CFAP43: variants seen among roughly 807,000 people sequenced by gnomAD.
CFAP43 encodes cilia and flagella associated protein 43.
CFAP43 carries 155 observed loss-of-function variants against 218.9 expected under a neutral mutation model. The ratio of observed to expected loss-of-function variants is 0.71; its 90% CI spans 0.62 to 0.81. The LOEUF (loss-of-function observed/expected upper bound fraction) is 0.81, where lower values mean the gene tolerates loss of function less well. Ranked by LOEUF, CFAP43 falls within the 30% of genes least tolerant of loss-of-function variation. The probability of loss-of-function intolerance (pLI) is 0.00; values close to 1 mark genes in which losing one functional copy is unlikely to be tolerated. For missense variants in CFAP43, 1,778 were observed against 1,954.3 expected (o/e 0.91, Z 1.70); for synonymous variants, 645 against 681.3 (o/e 0.95, Z 0.83).
At chr10:104,158,856 C>G (rs1012417584) in intron 27 of CFAP43, among the ~76,000 whole-genome samples, 1 of 151,700 alleles carries the variant, frequency 6.6e-6, no homozygotes, top group Non-Finnish European at 1.5e-5. Flanking sequence ...AAAAAGAGAA[C>G]AAATGTGGCA....
intron 10 of CFAP43, 135 bp downstream of exon 10, chr10:104,196,718 G>A: frequency 1.5e-6 from 1 of 663,844 alleles, no homozygotes; most frequent in Non-Finnish European, 2.5e-6. Context: ...AAGGATTACT[G>A]TAAATCTAGA....
intron 12 of CFAP43, among the ~76,000 whole-genome samples, chr10:104,191,827 C>T (rs1056758545): frequency 2.9e-4 from 43 of 149,632 alleles, no homozygotes; most frequent in African/African-American, 1.0e-3. Flanking sequence ...GCATGTAAAG[C>T]CAGAGAGAAA....
intron 12 of CFAP43, among the ~76,000 whole-genome samples, chr10:104,190,852 G>A (rs1370623518): frequency 6.6e-6 from 1 of 152,138 alleles, no homozygotes; most frequent in Non-Finnish European, 1.5e-5. Flanking sequence ...TTCCTTAACT[G>A]GGCTCTGCCA....
intron 5 of CFAP43, 43 bp from the exon 6 acceptor site, chr10:104,207,867 G>A (rs373293486): frequency 2.0e-5 from 31 of 1,566,248 alleles, no homozygotes; most frequent in African/African-American, 1.6e-4. Context: ...AAACAATCAC[G>A]GCTAAAAGCC....
At chr10:104,230,888 ACT>A in intron 1 of CFAP43, 45 bp from the exon 2 acceptor site, 1 of 1,495,396 alleles carries the variant, frequency 6.7e-7, no homozygotes, top group Non-Finnish European at 8.9e-7. Context: ...CATTTCAAAT[ACT>A]TTTTTTTTTT....
chr10:104,175,047 C>T (rs138143929), intron 19 of CFAP43, among the ~76,000 whole-genome samples: 1,768 of 149,390 alleles, frequency 0.012, 28 homozygotes, highest in African/African-American at 0.038. Flanking sequence ...AGAGCGAGAG[C>T]GAGACTCCAT....
In CFAP43 at chr10:104,207,737, G is replaced by A. The variant is rs375190515; in HGVS notation, c.823C>T (p.His275Tyr). ...GTGTCTCCATTAATCATTAAAAGATGACCCTCTTCACAGCCAATGTACAAG... is the reference window on the plus strand; with the variant it reads ...GTGTCTCCATTAATCATTAAAAGATAACCCTCTTCACAGCCAATGTACAAG... ...SDLYIGCEEG[H>Y]LLMINGDTLQ... Residue 275 changes from histidine to tyrosine, a missense_variant, in exon 6 of 38, where the codon CAT becomes TAT. Coordinates refer to ENST00000357060, the MANE Select transcript of CFAP43 (RefSeq NM_025145.7). 7 of 1,614,096 alleles carry A rather than the reference G, an allele frequency of 4.3e-6. No individual in the cohort carries two copies. The African/African-American group carries it at 9.3e-5, about 22-fold the overall frequency.
At position 104,166,483 on chromosome 10, in the gene CFAP43, C is replaced by T. The variant is rs1408933307; in HGVS notation, c.3039+5G>A. On this transcript the variant is annotated splice_donor_5th_base_variant and intron_variant, in intron 23 of 37. Coordinates refer to ENST00000357060, the MANE Select transcript of CFAP43 (RefSeq NM_025145.7). ...TTTTTCAGGATAAAAAGAAAATTGA[C>T]CCACTTTCAATAATATAATTTGGTT... The T allele has an allele frequency of 1.9e-6, 3 of 1,605,040 alleles. No individual in the cohort carries two copies. Among genetic ancestry groups the T allele is most frequent in the East Asian group, 2.2e-5 (1 of 44,758 alleles).
rs1415280630 is a variant in CFAP43 at position 104,225,456 on chromosome 10, C to CT, written c.416+4dup. Reference sequence around the variant, plus strand: ...AAAGGAATTCCACAGGATGCTGAAACTTACCAAAGGGCCAGTTCAAATTCT... The same window carrying CT: ...AAAGGAATTCCACAGGATGCTGAAACTTTACCAAAGGGCCAGTTCAAATTCT... On this transcript the variant is annotated splice_donor_region_variant and intron_variant, in intron 3 of 37. Coordinates refer to ENST00000357060, the MANE Select transcript of CFAP43 (RefSeq NM_025145.7). 1 of 1,605,890 alleles carries CT rather than the reference C, an allele frequency of 6.2e-7. No homozygotes were observed. Among genetic ancestry groups the CT allele is most frequent in the East Asian group, 2.3e-5 (1 of 44,370 alleles).
chr10:104,166,447 G>A, intron 23 of CFAP43, 41 bp downstream of exon 23: 2 of 1,454,616 alleles, frequency 1.4e-6, no homozygotes, highest in Non-Finnish European at 1.9e-6. Context: ...ACCTAATGGG[G>A]AGTCTAGAGA....
intron 34 of CFAP43, 112 bp from the exon 35 acceptor site, chr10:104,133,896 G>T (rs779126566): frequency 1.1e-5 from 11 of 1,027,754 alleles, no homozygotes; most frequent in Non-Finnish European, 1.5e-5. Flanking sequence ...AGATAATTCT[G>T]TCTTCTTTTT....
chr10:104,221,850 T>C (rs548976865), intron 3 of CFAP43, among the ~76,000 whole-genome samples: 1 of 152,198 alleles, frequency 6.6e-6, no homozygotes, highest in African/African-American at 2.4e-5. Flanking sequence ...AGGGATTAAA[T>C]GCACTAACCC....
Position 104,167,586 on chromosome 10 carries a change from C to G in CFAP43, c.2808+35G>C, listed in dbSNP as rs775503031. 22 of 1,494,064 alleles carry G rather than the reference C, an allele frequency of 1.5e-5. 1 individual carries two copies. The South Asian group carries it at 2.9e-4, about 19-fold the overall frequency. 92.6% of individuals were successfully genotyped at this position (1,494,064 alleles called of 1,614,324 possible). A position where few individuals can be genotyped will look rare whatever the true frequency, so the allele number is the denominator to read the frequency against. ...AAGGAGACTCTAAAATAAAGCACAT[C>G]ACTTATATAAACACATGTATATTTA... is the stretch of plus-strand genomic sequence containing the variant. On this transcript the variant is annotated intron_variant, in intron 22 of 37. Transcript: ENST00000357060.
intron 19 of CFAP43, among the ~76,000 whole-genome samples, chr10:104,177,412 A>G (rs1192337923): frequency 1.3e-5 from 2 of 151,866 alleles, no homozygotes; most frequent in Non-Finnish European, 2.9e-5. Flanking sequence ...GTCATTGCCA[A>G]CTCATAACCC....
rs779485677 is a variant in CFAP43, at chr10:104,187,300, A to G, written c.1860+20T>C. 1.3e-6 allele frequency: 2 copies of G among 1,576,236 alleles called. No homozygotes were observed. The highest frequency in any genetic ancestry group is 2.0e-5 in the Admixed American group (1 of 51,260). On this transcript the variant is annotated intron_variant, in intron 14 of 37. Coordinates refer to ENST00000357060, the MANE Select transcript of CFAP43 (RefSeq NM_025145.7). ...CTTGATTGCTAAGATAAATGAGAGC[A>G]CACTTAAGTGTTGACATACTTCTTC...
rs770495130 is a variant in CFAP43, at chr10:104,214,261, T to G, written c.582A>C (p.Ala194=). The G allele has an allele frequency of 6.3e-7, 1 of 1,587,142 alleles. No individual in the cohort carries two copies. The highest frequency in any genetic ancestry group is 8.6e-7 in the Non-Finnish European group (1 of 1,167,684). ...ACTGTTGTAACAAAGGCTCCTACCT[T>G]GCTCTGAAACAATGCTCCTGGTTAC... The part of the protein sequence containing the change: ...ERSNQEHCFR[A]RSVKLPLEDG... Residue 194 remains alanine, a splice_region_variant and synonymous_variant, in exon 4 of 38, where the codon GCA becomes GCC. Transcript: ENST00000357060.
intron 12 of CFAP43, among the ~76,000 whole-genome samples, chr10:104,189,186 T>C (rs2090129130): frequency 6.6e-6 from 1 of 152,186 alleles, no homozygotes; most frequent in Admixed American, 6.5e-5. Context: ...AGCCCATTCC[T>C]CCAATCTCCT....
intron 36 of CFAP43, 55 bp downstream of exon 36, chr10:104,132,061 T>C: frequency 7.5e-7 from 1 of 1,333,484 alleles, no homozygotes; most frequent in Non-Finnish European, 1.0e-6. Flanking sequence ...ACTATTACTT[T>C]GCTCAAATGA....
intron 27 of CFAP43, among the ~76,000 whole-genome samples, chr10:104,154,534 A>C (rs2088438982): frequency 6.6e-6 from 1 of 152,200 alleles, no homozygotes; most frequent in Admixed American, 6.5e-5. Flanking sequence ...AGTCCCACAG[A>C]TTGTGTCCTT....
Sources: gnomAD v4.1 joint callset for allele counts (sites outside exome capture counted in the v4.1 genomes callset) on GRCh38, gnomAD v4.1.1 for gene constraint, MANE v1.5 for transcripts, NCBI Gene and HGNC (gene_info 2026-07-23, HGNC 2026-07-21) for gene names.